The following NAA30 variants were observed in gnomAD, a reference collection of about 807,000 sequenced individuals.
The protein encoded by NAA30 is N-alpha-acetyltransferase 30.
A neutral mutation model predicts 31.4 loss-of-function variants in NAA30; 5 were observed. That is an observed-to-expected ratio of 0.16 (90% CI 0.08 to 0.33). The LOEUF (loss-of-function observed/expected upper bound fraction) is 0.33, where lower values mean the gene tolerates loss of function less well. Ranked by LOEUF, NAA30 falls within the 10% of genes least tolerant of loss-of-function variation. The pLI, the probability that NAA30 is intolerant of heterozygous loss-of-function variation, is 1.00. For missense variants in NAA30, 428 were observed against 490.8 expected (o/e 0.87, Z 1.21); for synonymous variants, 222 against 207.1 (o/e 1.07, Z -0.62).
chr14:57,391,045 C>G lies in NAA30; in HGVS notation c.88C>G (p.Pro30Ala). The stretch of plus-strand genomic sequence containing the variant: ...GGCGGTCGAGCCCCGCTGTCCCTTC[C>G]CGGCGGGGGCCGCCCTCGCCTGCTG... ...PAAVEPRCPFPAGAALACCSE... is the reference protein window; with the variant it reads ...PAAVEPRCPFAAGAALACCSE... The change falls in exon 2 of 5, where the codon CCG becomes GCG. Residue 30 changes from proline (P) to alanine (A), a missense_variant. Coordinates refer to ENST00000556492, the MANE Select transcript of NAA30 (RefSeq NM_001011713.3). The surrounding 1 kb of genome is among the most constrained non-coding windows in gnomAD (Gnocchi z 4.1). 2.0e-6 allele frequency: 3 copies of G among 1,511,800 alleles called. No individual in the cohort carries two copies. The South Asian group carries it at 4.0e-5, about 20-fold the overall frequency. The allele number at this position is 1,511,800 out of a possible 1,614,324, so 93.6% of individuals were successfully genotyped here.
Position 57,391,743 on chromosome 14 carries a change from TAA to T in NAA30, c.771+19_771+20del. On this transcript the variant is annotated intron_variant, in intron 2 of 4. Coordinates refer to ENST00000556492, the MANE Select transcript of NAA30 (RefSeq NM_001011713.3). This position sits in a 1 kb window ranked among gnomAD's most constrained non-coding sequence, Gnocchi z 4.1. ...TGTGCTTCTTGGTAAGTGGATAGAA[TAA>T]AAAGAGGGTGAACCCAGCAGTGATC... is the stretch of plus-strand genomic sequence containing the variant. 9 of 1,583,102 alleles carry T rather than the reference TAA, an allele frequency of 5.7e-6. No homozygotes were observed. The highest frequency in any genetic ancestry group is 7.7e-6 in the Non-Finnish European group (9 of 1,163,370).
At chr14:57,399,526 G>T (rs1465537209) in intron 3 of NAA30, among the ~76,000 whole-genome samples, 2 of 152,062 alleles carry the variant, frequency 1.3e-5, no homozygotes, top group Non-Finnish European at 2.9e-5. Flanking sequence ...TTTCTCTTTC[G>T]CTTTCCTACT....
chr14:57,408,777 G>T (rs1269088815), intron 4 of NAA30, among the ~76,000 whole-genome samples: 1 of 152,126 alleles, frequency 6.6e-6, no homozygotes, highest in Non-Finnish European at 1.5e-5. Flanking sequence ...CAACTGCTCA[G>T]CTCTGCCCTT....
At position 57,411,198 on chromosome 14, in the gene NAA30, A is replaced by G. The variant is rs998552267; in HGVS notation, c.*1682A>G. 1 of 152,100 alleles carries G rather than the reference A, an allele frequency of 6.6e-6. No homozygotes were observed. The highest frequency in any genetic ancestry group is 2.4e-5 in the African/African-American group (1 of 41,420). 9.4% of individuals were successfully genotyped at this position (152,100 alleles called of 1,614,324 possible). A position where few individuals can be genotyped will look rare whatever the true frequency, so the allele number is the denominator to read the frequency against. On this transcript the variant is annotated 3_prime_UTR_variant, in exon 5 of 5. Coordinates refer to ENST00000556492, the MANE Select transcript of NAA30 (RefSeq NM_001011713.3). ...AAACTTTCTGCTGGTGGGATTATTTATAGTTCTTTATTTTTAAAGAAAATG... is the reference window on the plus strand; with the variant it reads ...AAACTTTCTGCTGGTGGGATTATTTGTAGTTCTTTATTTTTAAAGAAAATG...
rs1002096981 is a variant in NAA30 at position 57,390,599 on chromosome 14, C to A, written c.-108C>A. The A allele has an allele frequency of 3.4e-6, 1 of 294,048 alleles. No individual in the cohort carries two copies. Among genetic ancestry groups the A allele is most frequent in the Non-Finnish European group, 6.3e-6 (1 of 159,156 alleles). 18.2% of individuals were successfully genotyped at this position (294,048 alleles called of 1,614,324 possible). The stretch of plus-strand genomic sequence containing the variant: ...CTGAGGCGCTTTACGGCGACGGCGG[C>A]TGAGTGAGAACCTTGGCGGCTGTGG... On this transcript the variant is annotated 5_prime_UTR_variant, in exon 1 of 5. It adds an upstream start codon to the 5' untranslated region. Transcript: ENST00000556492.
At chr14:57,407,714 T>C (rs1227239601) in intron 4 of NAA30, among the ~76,000 whole-genome samples, 1 of 152,174 alleles carries the variant, frequency 6.6e-6, no homozygotes, top group Non-Finnish European at 1.5e-5. Context: ...TTGTGGACTT[T>C]CTCTTGAGGA....
chr14:57,398,761 T>C (rs1020093853), intron 3 of NAA30, among the ~76,000 whole-genome samples: 1 of 152,176 alleles, frequency 6.6e-6, no homozygotes, highest in African/African-American at 2.4e-5. Flanking sequence ...GCCTCCCAAG[T>C]AGCTGGGATT....
Position 57,392,651 on chromosome 14 carries a change from C to T in NAA30, c.771+923C>T, listed in dbSNP as rs187123656. 3.3e-5 allele frequency among the ~76,000 whole-genome samples: 5 copies of T among 152,276 alleles called. No individual in the cohort carries two copies. The East Asian group carries it at 7.7e-4, about 23-fold the overall frequency. On this transcript the variant is annotated intron_variant, in intron 2 of 4. Coordinates refer to ENST00000556492, the MANE Select transcript of NAA30 (RefSeq NM_001011713.3). ...GCAGGTGTATGCTTTGTATCATGTG[C>T]TCACAAGCATATTGTTTCTGTTGAA...
In NAA30 at chr14:57,409,575, A is replaced by G. The variant is rs778444961; in HGVS notation, c.*59A>G. ...CAGAATCGACCTTTGCATGCAATGC[A>G]ATTTGTACAGAATTGCTTTGCAGGT... On this transcript the variant is annotated 3_prime_UTR_variant, in exon 5 of 5. Transcript: ENST00000556492. 1.3e-5 allele frequency: 20 copies of G among 1,511,806 alleles called. No individual in the cohort carries two copies. The South Asian group carries it at 2.4e-4, about 18-fold the overall frequency. The allele number at this position is 1,511,806 out of a possible 1,614,324, so 93.6% of individuals were successfully genotyped here. A position where few individuals can be genotyped will look rare whatever the true frequency, so the allele number is the denominator to read the frequency against.
rs1193193196 is a variant in NAA30 at position 57,411,136 on chromosome 14, TTAAAAA to T, written c.*1625_*1630del. 1.3e-5 allele frequency: 2 copies of T among 152,438 alleles called. No individual in the cohort carries two copies. The highest frequency in any genetic ancestry group is 4.8e-5 in the African/African-American group (2 of 41,432). 9.4% of individuals were successfully genotyped at this position (152,438 alleles called of 1,614,324 possible). ...GAAAGTGAACATAGTAACAAATACT[TTAAAAA>T]TAAAGATACACAATTTATATTTGAA... On this transcript the variant is annotated 3_prime_UTR_variant, in exon 5 of 5. Coordinates refer to ENST00000556492, the MANE Select transcript of NAA30 (RefSeq NM_001011713.3).
rs750254365 is a variant in NAA30, at chr14:57,391,086, G to C, written c.129G>C (p.Glu43Asp). 31 of 1,555,158 alleles carry C rather than the reference G, an allele frequency of 2.0e-5. No homozygotes were observed. The highest frequency in any genetic ancestry group is 2.5e-5 in the Non-Finnish European group (29 of 1,154,028). ...TCGCCTGCTGCAGCGAGGACGAGGAGGACGACGAAGAGCACGAAGGCGGCG... is the reference window on the plus strand; with the variant it reads ...TCGCCTGCTGCAGCGAGGACGAGGACGACGACGAAGAGCACGAAGGCGGCG... Reference protein sequence around the residue: ...AALACCSEDEEDDEEHEGGGS... With the variant: ...AALACCSEDEDDDEEHEGGGS... The change falls in exon 2 of 5, where the codon GAG (glutamate) becomes GAC (aspartate). Residue 43 changes from glutamate (E) to aspartate (D), a missense_variant. By Grantham distance (45) the Glu-to-Asp change is conservative (BLOSUM62 2). Around this residue, in one of 2 missense-constraint regions of NAA30, gnomAD observed 349 missense variants for 310.4 expected, o/e 1.12. Coordinates refer to ENST00000556492, the MANE Select transcript of NAA30 (RefSeq NM_001011713.3). The surrounding 1 kb of genome is among the most constrained non-coding windows in gnomAD (Gnocchi z 4.1).
chr14:57,395,541 G>A (rs1704621653), intron 2 of NAA30, among the ~76,000 whole-genome samples: 1 of 152,130 alleles, frequency 6.6e-6, no homozygotes. Flanking sequence ...CAGAAATACT[G>A]TGTTACTAGA....
At position 57,411,781 on chromosome 14, in the gene NAA30, C is replaced by G. The variant is rs1380321002; in HGVS notation, c.*2265C>G. 2 of 152,152 alleles carry G rather than the reference C, an allele frequency of 1.3e-5. No homozygotes were observed. The highest frequency in any genetic ancestry group is 2.4e-5 in the African/African-American group (1 of 41,442). 9.4% of individuals were successfully genotyped at this position (152,152 alleles called of 1,614,324 possible). On this transcript the variant is annotated 3_prime_UTR_variant, in exon 5 of 5. Transcript: ENST00000556492. The stretch of plus-strand genomic sequence containing the variant: ...CTTAAGTAGATTAAAATTTTAACCT[C>G]TAGCATGAAAACCCAGCACCAACAC...
rs555228022 is a variant in NAA30, at chr14:57,415,491, G to C, written c.*5975G>C. On this transcript the variant is annotated 3_prime_UTR_variant, in exon 5 of 5. Coordinates refer to ENST00000556492, the MANE Select transcript of NAA30 (RefSeq NM_001011713.3). ...TTTCCTGGTACTTAAATATTGTGTA[G>C]AGGGAAAGCTAGTTGTAATAATTTG... 1.3e-5 allele frequency: 2 copies of C among 152,270 alleles called. No homozygotes were observed. Among genetic ancestry groups the C allele is most frequent in the South Asian group, 4.1e-4 (2 of 4,826 alleles). The allele number at this position is 152,270 out of a possible 1,614,324, so 9.4% of individuals were successfully genotyped here. A position where few individuals can be genotyped will look rare whatever the true frequency, so the allele number is the denominator to read the frequency against.
At chr14:57,399,175 A>G (rs1323735743) in intron 3 of NAA30, among the ~76,000 whole-genome samples, 1 of 152,224 alleles carries the variant, frequency 6.6e-6, no homozygotes, top group Non-Finnish European at 1.5e-5. Flanking sequence ...AGAGTTTTTA[A>G]ATAAAATTTG....
At chr14:57,398,947 T>A (rs761848499) in intron 3 of NAA30, among the ~76,000 whole-genome samples, 1 of 151,860 alleles carries the variant, frequency 6.6e-6, no homozygotes, top group African/African-American at 2.4e-5. Context: ...GTTTTTTGTA[T>A]TTTTAGTAGA....
intron 4 of NAA30, among the ~76,000 whole-genome samples, chr14:57,408,213 C>A (rs940612325): frequency 2.6e-5 from 4 of 152,110 alleles, no homozygotes; most frequent in Admixed American, 6.6e-5. Context: ...ATTTCCCCCC[C>A]ACCCACTCCA....
At chr14:57,398,156 T>A (rs2066459228) in intron 3 of NAA30, among the ~76,000 whole-genome samples, 1 of 152,226 alleles carries the variant, frequency 6.6e-6, no homozygotes, top group Admixed American at 6.5e-5. Context: ...CTAGGTATCA[T>A]GAGAAGTAAC....
Position 57,391,009 on chromosome 14 carries a change from C to T in NAA30, c.52C>T (p.Pro18Ser), listed in dbSNP as rs1360684412. Residue 18 changes from proline to serine, a missense_variant, in exon 2 of 5, where the codon CCG becomes TCG. Transcript: ENST00000556492. This position sits in a 1 kb window ranked among gnomAD's most constrained non-coding sequence, Gnocchi z 4.1. ...PSSLLPPPAPPAPAAVEPRCP... is the reference protein window; with the variant it reads ...PSSLLPPPAPSAPAAVEPRCP... ...CAGCCTCCTCCCACCACCAGCACCT[C>T]CGGCCCCGGCGGCGGTCGAGCCCCG... 3 of 1,498,458 alleles carry T rather than the reference C, an allele frequency of 2.0e-6. No individual in the cohort carries two copies. The highest frequency in any genetic ancestry group is 2.5e-5 in the East Asian group (1 of 40,640). The allele number at this position is 1,498,458 out of a possible 1,614,324, so 92.8% of individuals were successfully genotyped here.
Sources: gnomAD v4.1 joint callset for allele counts (sites outside exome capture counted in the v4.1 genomes callset) on GRCh38, gnomAD v4.1.1 for gene constraint, gnomAD v4.1.1 regional missense constraint, Gnocchi (gnomAD v3.1) non-coding constraint, MANE v1.5 for transcripts, NCBI Gene and HGNC (gene_info 2026-07-23, HGNC 2026-07-21) for gene names.